RAD51B: variants seen among roughly 807,000 people sequenced by gnomAD.
RAD51B encodes DNA repair protein RAD51 homolog 2.
RAD51B carries 38 observed loss-of-function variants against 42.2 expected under a neutral mutation model. That is an observed-to-expected ratio of 0.90 (90% CI 0.70 to 1.18). The LOEUF (loss-of-function observed/expected upper bound fraction) is 1.18. Ranked by LOEUF, RAD51B falls within the 50% of genes most tolerant of loss-of-function variation. RAD51B has a pLI of 0.00. For missense variants in RAD51B, 373 were observed against 400.7 expected (o/e 0.93, Z 0.59); for synonymous variants, 154 against 145.2 (o/e 1.06, Z -0.43).
intron 7 of RAD51B, among the ~76,000 whole-genome samples, chr14:68,116,504 A>T (rs1005757643): frequency 1.4e-4 from 22 of 152,094 alleles, no homozygotes; most frequent in African/African-American, 4.6e-4. Context: ...CAGATATAAA[A>T]TTTTTTTTCA....
At chr14:68,072,292 A>G (rs919762294) in intron 7 of RAD51B, among the ~76,000 whole-genome samples, 2 of 149,628 alleles carry the variant, frequency 1.3e-5, no homozygotes, top group Admixed American at 6.7e-5. Context: ...CATTATATAT[A>G]TATAGGAGTT....
At chr14:67,964,805 G>T (rs2074738571) in intron 7 of RAD51B, among the ~76,000 whole-genome samples, 1 of 152,134 alleles carries the variant, frequency 6.6e-6, no homozygotes, top group African/African-American at 2.4e-5. Context: ...TCTACCGCAG[G>T]TTGCTCTTAG....
At chr14:68,422,980 G>T (rs1000914075) in intron 9 of RAD51B, among the ~76,000 whole-genome samples, 2 of 152,104 alleles carry the variant, frequency 1.3e-5, no homozygotes, top group African/African-American at 2.4e-5. Flanking sequence ...TCTCTTTCTA[G>T]AAGTTTCTCT....
At chr14:68,603,820 CGGCCG>C (rs1248075969) in intron 10 of RAD51B, among the ~76,000 whole-genome samples, 1 of 152,238 alleles carries the variant, frequency 6.6e-6, no homozygotes, top group African/African-American at 2.4e-5. Context: ...TCCAGCCCTG[CGGCCG>C]CGCTGGCCCC....
chr14:68,571,355 T>C (rs1889691574), intron 10 of RAD51B, among the ~76,000 whole-genome samples: 1 of 152,216 alleles, frequency 6.6e-6, no homozygotes, highest in Admixed American at 6.5e-5. Context: ...TGGATCTCAC[T>C]GAGCTAAAAT....
chr14:67,905,956 G>T (rs1566951576), intron 7 of RAD51B, among the ~76,000 whole-genome samples: 1 of 152,030 alleles, frequency 6.6e-6, no homozygotes, highest in Non-Finnish European at 1.5e-5. Context: ...GTAAGTGTGG[G>T]CATCCTTGCC....
At chr14:68,465,267 C>T (rs763460074) in intron 9 of RAD51B, among the ~76,000 whole-genome samples, 32 of 152,102 alleles carry the variant, frequency 2.1e-4, no homozygotes, top group Non-Finnish European at 1.3e-4. Context: ...AAAGGATTTA[C>T]GTTTATCTTA....
intron 8 of RAD51B, among the ~76,000 whole-genome samples, chr14:68,340,364 T>G (rs1156914170): frequency 6.6e-6 from 1 of 152,188 alleles, no homozygotes; most frequent in Non-Finnish European, 1.5e-5. Flanking sequence ...AGCCAGCCTT[T>G]CTGTGCTGTG....
At chr14:68,050,185 T>G (rs2076369676) in intron 7 of RAD51B, among the ~76,000 whole-genome samples, 1 of 152,152 alleles carries the variant, frequency 6.6e-6, no homozygotes, top group African/African-American at 2.4e-5. Context: ...CCAACGAGAT[T>G]ATAGCTGTGA....
chr14:67,943,106 G>C (rs1206267332), intron 7 of RAD51B, among the ~76,000 whole-genome samples: 1 of 151,706 alleles, frequency 6.6e-6, no homozygotes, highest in South Asian at 2.1e-4. Flanking sequence ...GAAATATAAA[G>C]TAGTAAAACT....
chr14:68,034,759 G>C (rs888788834), intron 7 of RAD51B, among the ~76,000 whole-genome samples: 3 of 152,110 alleles, frequency 2.0e-5, no homozygotes, highest in Admixed American at 2.0e-4. Flanking sequence ...CCCAGACGAA[G>C]ATTATATAGA....
At chr14:67,994,687 G>A (rs947915602) in intron 7 of RAD51B, among the ~76,000 whole-genome samples, 2 of 152,080 alleles carry the variant, frequency 1.3e-5, no homozygotes, top group African/African-American at 4.8e-5. Flanking sequence ...TCTTTCTCTG[G>A]TTTTCTAGGA....
chr14:68,435,716 T>C (rs1040010028), intron 9 of RAD51B, among the ~76,000 whole-genome samples: 1 of 152,182 alleles, frequency 6.6e-6, no homozygotes, highest in Non-Finnish European at 1.5e-5. Flanking sequence ...ATAAAGCCAT[T>C]CTGACTGGTG....
chr14:68,262,616 ATTTTC>A (rs2080912070), intron 7 of RAD51B, among the ~76,000 whole-genome samples: 1 of 152,040 alleles, frequency 6.6e-6, no homozygotes, highest in Non-Finnish European at 1.5e-5. Context: ...CTGGGTTGGA[ATTTTC>A]TCTACAACTC....
At chr14:68,269,658 C>T (rs542101844) in intron 7 of RAD51B, among the ~76,000 whole-genome samples, 2 of 152,264 alleles carry the variant, frequency 1.3e-5, no homozygotes, top group African/African-American at 4.8e-5. Flanking sequence ...CTGTTGGACC[C>T]TGACTAGGGG....
At chr14:68,048,400 A>G (rs573486441) in intron 7 of RAD51B, among the ~76,000 whole-genome samples, 1 of 152,044 alleles carries the variant, frequency 6.6e-6, no homozygotes, top group Non-Finnish European at 1.5e-5. Flanking sequence ...TTGCCTGTTC[A>G]CTCTGATAGT....
In RAD51B at chr14:67,886,901, C is replaced by A. The variant is rs138098726; in HGVS notation, c.573-120C>A. The A allele has an allele frequency of 2.6e-5, 16 of 619,486 alleles. No homozygotes were observed. In the East Asian group the frequency reaches 4.9e-4, roughly 19 times the overall value. 38.4% of individuals were successfully genotyped at this position (619,486 alleles called of 1,614,324 possible). On this transcript the variant is annotated intron_variant, in intron 6 of 10. Coordinates refer to ENST00000471583, the MANE Select transcript of RAD51B (RefSeq NM_133510.4). ...TTAGGTTTACTGAATTCTTGCAAAT[C>A]ATTACTGTAACTTAGGAAAGAATAG...
intron 7 of RAD51B, among the ~76,000 whole-genome samples, chr14:68,257,609 A>T (rs555547293): frequency 6.6e-4 from 100 of 152,294 alleles, no homozygotes; most frequent in African/African-American, 2.3e-3. Context: ...AAATGTGTAT[A>T]TATGGAGCAA....
chr14:68,150,798 A>G (rs1164525296), intron 7 of RAD51B, among the ~76,000 whole-genome samples: 1 of 152,172 alleles, frequency 6.6e-6, no homozygotes, highest in Non-Finnish European at 1.5e-5. Flanking sequence ...AACTTATCAC[A>G]GTCTATCTTG....
Sources: allele counts gnomAD v4.1 joint callset (sites outside exome capture counted in the v4.1 genomes callset), GRCh38; gene constraint gnomAD v4.1.1; transcripts MANE v1.5; gene names NCBI Gene and HGNC (gene_info 2026-07-23, HGNC 2026-07-21).